MED23: variants seen among roughly 807,000 people sequenced by gnomAD.
MED23 encodes mediator complex subunit 23.
In MED23, 105 loss-of-function variants were observed where a neutral mutation model predicts 163.9. The observed-to-expected ratio is 0.64, with a 90% confidence interval of 0.55 to 0.75. MED23 has a LOEUF of 0.75. MED23 is among the 30% of genes least tolerant of loss of function. MED23 has a pLI of 0.00. For missense variants in MED23, 1,054 were observed against 1,649.0 expected, an observed-to-expected ratio of 0.64 and a Z score of 6.25; for synonymous variants, 561 against 565.6, an observed-to-expected ratio of 0.99 and a Z score of 0.12.
chr6:131,604,422 G>A (rs1775706849), intron 14 of MED23, 102 bp from the exon 15 acceptor site: 6 of 1,275,970 alleles, frequency 4.7e-6, no homozygotes, highest in South Asian at 1.3e-5. Flanking sequence ...GAACTTAAAT[G>A]ATTCAAATGA....
chr6:131,574,074 T>G (rs892382495), exon 31 of MED23: 15 of 610,476 alleles, frequency 2.5e-5, no homozygotes, highest in Admixed American at 7.8e-5. Context: ...CTTTTTTTTC[T>G]GCCTGGGCAC....
chr6:131,587,645 T>C lies in MED23; in HGVS notation c.*34A>G. 1 of 1,613,816 alleles carries C rather than the reference T, an allele frequency of 6.2e-7. No individual in the cohort carries two copies. The highest frequency in any genetic ancestry group is 8.5e-7 in the Non-Finnish European group (1 of 1,179,842). On this transcript the variant is annotated 3_prime_UTR_variant, in exon 29 of 29. Coordinates refer to ENST00000368068, the MANE Select transcript of MED23 (RefSeq NM_004830.4). ...GTTTGAGTCCACTCTCAAAGACGGA[T>C]ATATTTCTACTTTCTCCACAGTACA...
intron 9 of MED23, 23 bp downstream of exon 9, chr6:131,618,384 T>C (rs1776845164): frequency 6.7e-7 from 1 of 1,492,058 alleles, no homozygotes; most frequent in African/African-American, 1.4e-5. Flanking sequence ...GGACTAAAAG[T>C]GCCATTATAT....
Position 131,627,408 on chromosome 6 carries a change from A to T in MED23, c.147T>A (p.Gly49=). ...ATGAAGCGCTCACCTGAGAAAGACC[A>T]CCCCAAAACTGTCTGAAGGCCCCCA... ...SCLGAFRQFW[G]GLSQESHEQC... is the part of the protein sequence containing the mutation. Residue 49 remains glycine (G), a synonymous_variant, in exon 3 of 29, where the codon GGT becomes GGA. Transcript: ENST00000368068. The T allele has an allele frequency of 6.2e-7, 1 of 1,612,996 alleles. No individual in the cohort carries two copies. Among genetic ancestry groups the T allele is most frequent in the Non-Finnish European group, 8.5e-7 (1 of 1,179,680 alleles).
chr6:131,579,233 G>T (rs1022874044), intron 30 of MED23: 20 of 1,614,024 alleles, frequency 1.2e-5, no homozygotes, highest in Non-Finnish European at 1.7e-5. Context: ...TGGCAAGGTG[G>T]CAGAAGTCAA....
At chr6:131,618,081 G>C (rs1776822697) in intron 9 of MED23, among the ~76,000 whole-genome samples, 1 of 151,106 alleles carries the variant, frequency 6.6e-6, no homozygotes. Context: ...GAATTAGACT[G>C]AGTTCACATT....
chr6:131,610,586 T>G (rs1338875872), intron 10 of MED23, among the ~76,000 whole-genome samples: 1 of 152,194 alleles, frequency 6.6e-6, no homozygotes, highest in African/African-American at 2.4e-5. Context: ...TTAAAGGGCA[T>G]ATGAAACAGG....
chr6:131,589,608 A>G lies in MED23; in HGVS notation c.3808-12T>C, dbSNP rs749589282. ...AACGCCACACCAATCTATTTAACAAATAATGTAAAATTATTTAAGTGATCA... is the reference window on the plus strand; with the variant it reads ...AACGCCACACCAATCTATTTAACAAGTAATGTAAAATTATTTAAGTGATCA... On this transcript the variant is annotated splice_polypyrimidine_tract_variant and intron_variant, in intron 27 of 28. Transcript: ENST00000368068. 3.7e-6 allele frequency: 6 copies of G among 1,612,784 alleles called. No individual in the cohort carries two copies. Among genetic ancestry groups the G allele is most frequent in the Non-Finnish European group, 1.7e-6 (2 of 1,179,314 alleles).
intron 16 of MED23, 126 bp from the exon 17 acceptor site, chr6:131,602,507 G>A (rs1775559726): frequency 1.2e-6 from 1 of 843,812 alleles, no homozygotes; most frequent in African/African-American, 1.7e-5. Context: ...ACACTTTTGT[G>A]TGAGAATAAA....
chr6:131,611,674 ATCAT>A (rs1477256475), intron 10 of MED23, among the ~76,000 whole-genome samples: 1 of 152,152 alleles, frequency 6.6e-6, no homozygotes, highest in Non-Finnish European at 1.5e-5. Flanking sequence ...TTAGAGTGAG[ATCAT>A]TCAAAGTATA....
intron 21 of MED23, 145 bp downstream of exon 21, chr6:131,596,373 C>T: frequency 9.8e-7 from 1 of 1,016,962 alleles, no homozygotes; most frequent in Non-Finnish European, 1.5e-6. Flanking sequence ...ACTCTCAAAC[C>T]TTGAAGAAGT....
At chr6:131,583,481 C>T (rs1279130152), downstream of MED23, 3 of 1,614,046 alleles carry the variant, frequency 1.9e-6, no homozygotes, top group Non-Finnish European at 2.5e-6. Context: ...CAGAAGAAAT[C>T]TACAAAACAG....
chr6:131,616,850 G>C (rs1036911993), intron 9 of MED23, among the ~76,000 whole-genome samples: 1 of 152,026 alleles, frequency 6.6e-6, no homozygotes, highest in Non-Finnish European at 1.5e-5. Context: ...AAAAAATAAT[G>C]CTAGAAAGTG....
chr6:131,578,101 G>A lies in MED23; in HGVS notation c.4096-3806C>T, dbSNP rs183115803. Reference sequence around the variant, plus strand: ...GGGGGCAAGAATTACCTCTAAAGGGGCAGGATGGAATTTTTCAAACTCATT... The same window carrying A: ...GGGGGCAAGAATTACCTCTAAAGGGACAGGATGGAATTTTTCAAACTCATT... On this transcript the variant is annotated intron_variant, in intron 30 of 30. Coordinates refer to the MED23 transcript ENST00000354577. Among the ~76,000 whole-genome samples, 21 of 151,752 alleles carry A rather than the reference G, an allele frequency of 1.4e-4. No individual in the cohort carries two copies. The East Asian group carries it at 2.9e-3, about 21-fold the overall frequency.
intron 10 of MED23, among the ~76,000 whole-genome samples, chr6:131,615,066 C>CAAAAA (rs5880072): frequency 2.9e-5 from 2 of 68,240 alleles, no homozygotes; most frequent in Non-Finnish European, 5.7e-5. Context: ...TCTTTGTTAC[C>CAAAAA]AAAAAAAAAA....
chr6:131,620,690 G>C lies in MED23; in HGVS notation c.535C>G (p.Pro179Ala). ...ATCTCAGTGACTGCAAAATAGGCTGGTAATAAGCAGGCATTTCTTTCCAAG... is the reference window on the plus strand; with the variant it reads ...ATCTCAGTGACTGCAAAATAGGCTGCTAATAAGCAGGCATTTCTTTCCAAG... ...YILERNACLL[P>A]AYFAVTEIRK... Residue 179 changes from proline to alanine, a missense_variant, in exon 7 of 29, where the codon CCA (proline) becomes GCA (alanine). Coordinates refer to ENST00000368068, the MANE Select transcript of MED23 (RefSeq NM_004830.4). 1 of 1,613,370 alleles carries C rather than the reference G, an allele frequency of 6.2e-7. No homozygotes were observed. Among genetic ancestry groups the C allele is most frequent in the Non-Finnish European group, 8.5e-7 (1 of 1,179,604 alleles).
chr6:131,579,334 C>A (rs1280778547), intron 30 of MED23: 1 of 1,596,326 alleles, frequency 6.3e-7, no homozygotes, highest in South Asian at 1.1e-5. Flanking sequence ...AAGGAAGTAA[C>A]CAAGGCCATA....
At chr6:131,621,051 C>T (rs950585328) in intron 6 of MED23, among the ~76,000 whole-genome samples, 4 of 152,180 alleles carry the variant, frequency 2.6e-5, no homozygotes, top group African/African-American at 7.2e-5. Flanking sequence ...AGCCTCCCGC[C>T]TTGGCCTCCC....
In MED23 at chr6:131,623,371, T is replaced by C; in HGVS notation, c.376A>G (p.Ile126Val). The C allele has an allele frequency of 1.2e-6, 2 of 1,613,822 alleles. No homozygotes were observed. Among genetic ancestry groups the C allele is most frequent in the Non-Finnish European group, 1.7e-6 (2 of 1,179,720 alleles). Residue 126 changes from isoleucine (I) to valine (V), a missense_variant, in exon 5 of 29, where the codon ATT (isoleucine) becomes GTT (valine). Around this residue, in one of 11 missense-constraint regions of MED23, gnomAD observed 227 missense variants for 235.5 expected, o/e 0.96. Transcript: ENST00000368068. Reference sequence around the variant, plus strand: ...TATACCTTGTAATCCACTCCCCCAATTATTTTCCGAACCAGTTTAAATGTT... The same window carrying C: ...TATACCTTGTAATCCACTCCCCCAACTATTTTCCGAACCAGTTTAAATGTT... ...ALTFKLVRKI[I>V]GGVDYKGVRD...
Sources: allele counts gnomAD v4.1 joint callset (sites outside exome capture counted in the v4.1 genomes callset), GRCh38; gene constraint gnomAD v4.1.1; regional missense constraint gnomAD v4.1.1; transcripts MANE v1.5; gene names NCBI Gene and HGNC (gene_info 2026-07-23, HGNC 2026-07-21).